XPOT: variants seen among roughly 807,000 people sequenced by gnomAD.
XPOT encodes the protein exportin for tRNA.
In XPOT, 34 loss-of-function variants were observed where a neutral mutation model predicts 128.2. The observed-to-expected ratio is 0.27, with a 90% CI of 0.20 to 0.35. The LOEUF is 0.35. XPOT is among the 10% of genes least tolerant of loss of function. The pLI, the probability that XPOT is intolerant of heterozygous loss-of-function variation, is 1.00. For synonymous variants in XPOT, 348 were observed against 394.3 expected (o/e 0.88, Z 1.39); for missense variants, 838 against 1,125.3 (o/e 0.74, Z 3.65).
rs1325021715 is a variant in XPOT, at chr12:64,418,041, A to T, written c.201-5A>T. ...ATTATTCTTTTTCTTCTCTATTTTG[A>T]ACAGATACTCAGAACTAACCACTGT... On this transcript the variant is annotated splice_region_variant and splice_polypyrimidine_tract_variant and intron_variant, in intron 4 of 24. Coordinates refer to ENST00000332707, the MANE Select transcript of XPOT (RefSeq NM_007235.6). 4 of 1,609,446 alleles carry T rather than the reference A, an allele frequency of 2.5e-6. No individual in the cohort carries two copies. The East Asian group carries it at 8.9e-5, about 36-fold the overall frequency.
At chr12:64,440,047 G>T (rs1022204239) in intron 23 of XPOT, among the ~76,000 whole-genome samples, 3 of 152,140 alleles carry the variant, frequency 2.0e-5, no homozygotes, top group African/African-American at 7.2e-5. Context: ...ACAGTGATGT[G>T]CCTATAAAAT....
chr12:64,447,551 T>C (rs570383679), intron 24 of XPOT, among the ~76,000 whole-genome samples: 1 of 152,180 alleles, frequency 6.6e-6, no homozygotes, highest in African/African-American at 2.4e-5. Flanking sequence ...CGATCTCGGC[T>C]CACCACAACC....
chr12:64,416,807 T>A, intron 4 of XPOT, 53 bp downstream of exon 4: 2 of 1,461,682 alleles, frequency 1.4e-6, no homozygotes, highest in Non-Finnish European at 1.9e-6. Flanking sequence ...GGTCATTTTT[T>A]TAATTTAATG....
In XPOT at chr12:64,421,460, A is replaced by G. The variant is rs2040137749; in HGVS notation, c.1069A>G (p.Ile357Val). The change falls in exon 9 of 25, where the codon ATT (isoleucine) becomes GTT (valine). Residue 357 changes from isoleucine to valine, a missense_variant. Ile to Val is a conservative substitution (Grantham distance 29, BLOSUM62 3). Coordinates refer to ENST00000332707, the MANE Select transcript of XPOT (RefSeq NM_007235.6). ...TGGATTTTGTTACGATTATCTTCAT[A>G]TTTTGAAACAGGTAAGTTTTTGTTT... ...IIGFCYDYLH[I>V]LKQLTVLSDQ... is the part of the protein sequence containing the mutation. 5.6e-6 allele frequency: 9 copies of G among 1,607,248 alleles called. No homozygotes were observed. Among genetic ancestry groups the G allele is most frequent in the Middle Eastern group, 3.3e-4 (2 of 6,050 alleles).
chr12:64,418,046 A>G lies in XPOT; in HGVS notation c.201A>G (p.Lys67=). Residue 67 remains lysine (K), a splice_region_variant and synonymous_variant, in exon 5 of 25, where the codon AAA becomes AAG. Transcript: ENST00000332707. ...FQVLEHQVKY[K]YSELTTVQQQ... ...TCTTTTTCTTCTCTATTTTGAACAG[A>G]TACTCAGAACTAACCACTGTTCAAC... 3.7e-6 allele frequency: 6 copies of G among 1,610,712 alleles called. No homozygotes were observed. Among genetic ancestry groups the G allele is most frequent in the South Asian group, 1.1e-5 (1 of 90,304 alleles).
intron 5 of XPOT, 77 bp downstream of exon 5, chr12:64,418,192 C>A: frequency 3.2e-6 from 4 of 1,242,010 alleles, no homozygotes; most frequent in Non-Finnish European, 4.6e-6. Context: ...TGGAACTTTA[C>A]CTCAAAGATT....
At chr12:64,419,620 T>A (rs2040120151) in intron 6 of XPOT, among the ~76,000 whole-genome samples, 1 of 152,190 alleles carries the variant, frequency 6.6e-6, no homozygotes, top group Non-Finnish European at 1.5e-5. Flanking sequence ...AAATTTTTTT[T>A]AACTAGGCAA....
chr12:64,433,326 A>C, intron 18 of XPOT, 88 bp from the exon 19 acceptor site: 2 of 1,298,536 alleles, frequency 1.5e-6, no homozygotes, highest in Non-Finnish European at 2.1e-6. Context: ...TCCTAAATAG[A>C]AAAGAAAGGC....
At chr12:64,440,533 C>T (rs1340329005) in intron 23 of XPOT, among the ~76,000 whole-genome samples, 1 of 152,150 alleles carries the variant, frequency 6.6e-6, no homozygotes, top group Non-Finnish European at 1.5e-5. Flanking sequence ...GAAGAAACAT[C>T]TTACTATTTT....
intron 23 of XPOT, 57 bp from the exon 24 acceptor site, chr12:64,445,018 A>G (rs2040356808): frequency 1.4e-6 from 2 of 1,441,850 alleles, no homozygotes; most frequent in South Asian, 2.6e-5. Flanking sequence ...TACGAATTAC[A>G]ATGGATTTAA....
chr12:64,435,752 G>T lies in XPOT; in HGVS notation c.2733+78G>T, dbSNP rs1555200279. On this transcript the variant is annotated intron_variant, in intron 22 of 24. Transcript: ENST00000332707. ...ATCTTGTTCTTGAAAGATGTATCTTGTGTAAAATTTAACTTTTGTTTTGAC... is the reference window on the plus strand; with the variant it reads ...ATCTTGTTCTTGAAAGATGTATCTTTTGTAAAATTTAACTTTTGTTTTGAC... The T allele has an allele frequency of 2.1e-6, 3 of 1,412,928 alleles. No homozygotes were observed. In the African/African-American group the frequency reaches 4.4e-5, roughly 21 times the overall value. The allele number at this position is 1,412,928 out of a possible 1,614,324, so 87.5% of individuals were successfully genotyped here.
Position 64,445,072 on chromosome 12 carries a change from CAGG to C in XPOT, c.2806_2808del (p.Glu936del). On this transcript the variant is annotated splice_acceptor_variant and coding_sequence_variant, in exon 24 of 25. Coordinates refer to ENST00000332707, the MANE Select transcript of XPOT (RefSeq NM_007235.6). LOFTEE classifies it high-confidence loss of function. ...TTTTCTCCCTCTTTTCCCCACCCCC[CAGG>C]AGTTTTGTCAAGCGCTTCAGCAGCC... The C allele has an allele frequency of 1.2e-6, 2 of 1,608,686 alleles. No individual in the cohort carries two copies. Among genetic ancestry groups the C allele is most frequent in the Non-Finnish European group, 1.7e-6 (2 of 1,177,464 alleles).
intron 11 of XPOT, among the ~76,000 whole-genome samples, chr12:64,423,977 C>T (rs1189575445): frequency 6.6e-6 from 1 of 152,086 alleles, no homozygotes; most frequent in East Asian, 1.9e-4. Context: ...GCCATTGGTG[C>T]TTTCTAGGTA....
intron 15 of XPOT, 81 bp from the exon 16 acceptor site, chr12:64,427,970 C>A: frequency 1.1e-6 from 1 of 931,370 alleles, no homozygotes; most frequent in Admixed American, 2.4e-5. Context: ...TTTTTTAGTT[C>A]TGTCTTAAAG....
At chr12:64,432,819 A>G (rs2040250617) in intron 18 of XPOT, among the ~76,000 whole-genome samples, 1 of 152,208 alleles carries the variant, frequency 6.6e-6, no homozygotes, top group South Asian at 2.1e-4. Context: ...TGAGAATTTA[A>G]TTTTGAAAAT....
chr12:64,424,183 A>C (rs1006440621), intron 11 of XPOT, among the ~76,000 whole-genome samples: 5 of 152,176 alleles, frequency 3.3e-5, no homozygotes, highest in African/African-American at 1.2e-4. Context: ...GTGGATATTG[A>C]CTTACAAGAA....
intron 23 of XPOT, among the ~76,000 whole-genome samples, chr12:64,441,497 A>G (rs2040324051): frequency 6.6e-6 from 1 of 152,148 alleles, no homozygotes; most frequent in Non-Finnish European, 1.5e-5. Flanking sequence ...TGGTACATCC[A>G]GCTTTGCTCT....
At position 64,430,155 on chromosome 12, in the gene XPOT, C is replaced by A. The variant is rs576651617; in HGVS notation, c.1844C>A (p.Ala615Asp). 8.7e-5 allele frequency: 140 copies of A among 1,613,794 alleles called. No individual in the cohort carries two copies. The South Asian group carries it at 1.4e-3, about 17-fold the overall frequency. ...GAATATCCGGCAGAAAGGAAACAAG[C>A]CTTAATGAGGAATCTGTTGACTCCA... ...NSEYPAERKQ[A>D]LMRNLLTPLM... The change falls in exon 17 of 25, where the codon GCC becomes GAC. Residue 615 changes from alanine to aspartate, a missense_variant. Physicochemically the swap from Ala to Asp is moderately radical, Grantham distance 126. Around this residue, in one of 3 missense-constraint regions of XPOT, gnomAD observed 761 missense variants for 988.3 expected, o/e 0.77. Coordinates refer to ENST00000332707, the MANE Select transcript of XPOT (RefSeq NM_007235.6).
chr12:64,445,948 T>C (rs368265282), intron 24 of XPOT, among the ~76,000 whole-genome samples: 2 of 152,372 alleles, frequency 1.3e-5, no homozygotes, highest in East Asian at 3.8e-4. Context: ...CAGTAAATAA[T>C]TTAAGTGTGC....
Sources: allele counts gnomAD v4.1 joint callset (sites outside exome capture counted in the v4.1 genomes callset), GRCh38; gene constraint gnomAD v4.1.1; regional missense constraint gnomAD v4.1.1; transcripts MANE v1.5; gene names NCBI Gene and HGNC (gene_info 2026-07-23, HGNC 2026-07-21).